PRMT8: variants seen among roughly 807,000 people sequenced by gnomAD.
PRMT8 encodes the protein protein arginine N-methyltransferase 8.
Under a neutral mutation model 47.1 loss-of-function variants are expected in PRMT8, and 7 were observed. The observed-to-expected ratio is 0.15, with a 90% CI of 0.08 to 0.28. The LOEUF is 0.28. Among genes scored for constraint, PRMT8 ranks in the 10% least tolerant of loss-of-function variants. The probability of loss-of-function intolerance (pLI) is 1.00; values close to 1 mark genes in which losing one functional copy is unlikely to be tolerated. For synonymous variants in PRMT8, 188 were observed against 186.5 expected, an observed-to-expected ratio of 1.01 and a Z score of -0.07; for missense variants, 237 against 505.4, an observed-to-expected ratio of 0.47 and a Z score of 5.09.
rs938291074 is a variant in PRMT8, at chr12:3,576,654, G to A, written c.713-217G>A. On this transcript the variant is annotated intron_variant, in intron 6 of 9. Transcript: ENST00000382622. This position sits in a 1 kb window ranked among gnomAD's most constrained non-coding sequence, Gnocchi z 4.0. ...GAGCTCTAGTTTACCTAACAACAAA[G>A]TGGGACTTACCTTTTCCCGAGGTAG... 1.3e-5 allele frequency among the ~76,000 whole-genome samples: 2 copies of A among 152,166 alleles called. No homozygotes were observed. The highest frequency in any genetic ancestry group is 2.4e-5 in the African/African-American group (1 of 41,440).
chr12:3,579,655 C>T (rs1363716069), intron 7 of PRMT8, among the ~76,000 whole-genome samples: 1 of 152,198 alleles, frequency 6.6e-6, no homozygotes, highest in African/African-American at 2.4e-5. Context: ...TGCTGATGTG[C>T]TAGGCAACAT....
intron 1 of PRMT8, among the ~76,000 whole-genome samples, chr12:3,525,221 CAA>C (rs907362731): frequency 6.7e-6 from 1 of 149,466 alleles, no homozygotes; most frequent in African/African-American, 2.5e-5. Context: ...GACTCTGTCT[CAA>C]AAAAAAAGAG....
At chr12:3,418,474 G>T (rs370226870) in intron 1 of PRMT8, among the ~76,000 whole-genome samples, 1 of 152,206 alleles carries the variant, frequency 6.6e-6, no homozygotes, top group African/African-American at 2.4e-5. Context: ...GACAGGATGG[G>T]CTGGTCCTAT....
At chr12:3,427,463 A>G (rs1864617586) in intron 1 of PRMT8, among the ~76,000 whole-genome samples, 1 of 152,184 alleles carries the variant, frequency 6.6e-6, no homozygotes, top group Non-Finnish European at 1.5e-5. Flanking sequence ...TTAACGTTTT[A>G]AAACTTGCTT....
chr12:3,464,981 G>A (rs71458060), intron 1 of PRMT8, among the ~76,000 whole-genome samples: 13,166 of 151,310 alleles, frequency 0.087, 723 homozygotes, highest in Non-Finnish European at 0.11. Flanking sequence ...AAAATTAGCC[G>A]GGCGTGGTGG....
intron 1 of PRMT8, among the ~76,000 whole-genome samples, chr12:3,397,962 T>C (rs1157569489): frequency 1.3e-5 from 2 of 151,990 alleles, no homozygotes; most frequent in Admixed American, 1.3e-4. Context: ...CGGGTGGGAG[T>C]GGCCTGATTT....
chr12:3,420,032 A>G lies in PRMT8; in HGVS notation c.48+38590A>G, dbSNP rs985535181. Among the ~76,000 whole-genome samples, 8 of 20,594 alleles carry G rather than the reference A, an allele frequency of 3.9e-4. No homozygotes were observed. The South Asian group carries it at 7.4e-3, about 19-fold the overall frequency. The allele number at this position is 20,594 out of a possible 152,430, so 13.5% of individuals were successfully genotyped here. ...AGAGGGGAAAGAGAGAGAGAGAGAC[A>G]GACAGAGAGAGAGAGAGAGAGAGAG... On this transcript the variant is annotated intron_variant, in intron 1 of 9. Transcript: ENST00000452611.
At chr12:3,473,855 G>A (rs1865183462) in intron 1 of PRMT8, among the ~76,000 whole-genome samples, 1 of 152,172 alleles carries the variant, frequency 6.6e-6, no homozygotes, top group Admixed American at 6.5e-5. Context: ...ATCCTGGGCA[G>A]TTCCTTCTCC....
At chr12:3,544,860 A>G (rs568647519) in intron 2 of PRMT8, among the ~76,000 whole-genome samples, 1 of 152,326 alleles carries the variant, frequency 6.6e-6, no homozygotes, top group East Asian at 1.9e-4. Context: ...AGGTCTGCAC[A>G]ATAGCTGGGA....
chr12:3,526,632 T>G (rs1402510450), intron 1 of PRMT8, among the ~76,000 whole-genome samples: 1 of 152,208 alleles, frequency 6.6e-6, no homozygotes, highest in African/African-American at 2.4e-5. Flanking sequence ...CTATCAGTTT[T>G]TGTTTCATAT....
upstream of PRMT8, chr12:3,491,100 G>A (rs1865387021): frequency 3.2e-6 from 3 of 935,158 alleles, no homozygotes; most frequent in Non-Finnish European, 3.8e-6. Context: ...GGGGCGCTGG[G>A]GGCCCTCGGT....
Position 3,407,622 on chromosome 12 carries a change from GGGCCCTTTGA to G in PRMT8, c.48+26182_48+26191del, listed in dbSNP as rs1487475052. ...ACCTCTTTGGGTTGAATCTGTCAGG[GGGCCCTTTGA>G]GCTTAATGGATCTGGATGTCTATGT... On this transcript the variant is annotated intron_variant, in intron 1 of 9. Transcript: ENST00000452611. 3.9e-5 allele frequency among the ~76,000 whole-genome samples: 6 copies of G among 152,042 alleles called. No individual in the cohort carries two copies. The East Asian group carries it at 1.2e-3, about 29-fold the overall frequency.
At chr12:3,448,143 T>C (rs1402752238) in intron 1 of PRMT8, among the ~76,000 whole-genome samples, 2 of 152,342 alleles carry the variant, frequency 1.3e-5, no homozygotes, top group East Asian at 3.9e-4. Flanking sequence ...ACTACAGGCA[T>C]GTGGCACTAT....
intron 1 of PRMT8, among the ~76,000 whole-genome samples, 170 bp from the exon 2 acceptor site, chr12:3,540,436 T>G (rs1460495559): frequency 6.6e-6 from 1 of 152,158 alleles, no homozygotes; most frequent in Non-Finnish European, 1.5e-5. Flanking sequence ...ATCACAGCCA[T>G]GAGCCCAACT....
At chr12:3,474,010 C>G (rs1448576376) in intron 1 of PRMT8, among the ~76,000 whole-genome samples, 1 of 152,222 alleles carries the variant, frequency 6.6e-6, no homozygotes, top group African/African-American at 2.4e-5. Context: ...AATGGCCACT[C>G]AACTCTTCCT....
At chr12:3,397,184 T>G (rs1864258875) in intron 1 of PRMT8, among the ~76,000 whole-genome samples, 1 of 151,904 alleles carries the variant, frequency 6.6e-6, no homozygotes, top group African/African-American at 2.4e-5. Flanking sequence ...TGGAGTAATT[T>G]GATCGTCTGA....
rs1404425738 is a variant in PRMT8 at position 3,570,691 on chromosome 12, ATG to A, written c.712+1133_712+1134del. On this transcript the variant is annotated intron_variant, in intron 6 of 9. Coordinates refer to ENST00000382622, the MANE Select transcript of PRMT8 (RefSeq NM_019854.5). The surrounding 1 kb of genome is among the most constrained non-coding windows in gnomAD (Gnocchi z 5.5). ...AAAACTCGGCTGGACTCTGCTATGGATGTGTGTATTTGTGTGGGTTCATGCCT... is the reference window on the plus strand; with the variant it reads ...AAAACTCGGCTGGACTCTGCTATGGATGTGTATTTGTGTGGGTTCATGCCT... Among the ~76,000 whole-genome samples the A allele has an allele frequency of 2.0e-5, 3 of 152,126 alleles. No individual in the cohort carries two copies. Among genetic ancestry groups the A allele is most frequent in the Admixed American group, 2.0e-4 (3 of 15,266 alleles).
intron 1 of PRMT8, among the ~76,000 whole-genome samples, chr12:3,533,912 A>T (rs1487023773): frequency 6.6e-6 from 1 of 152,222 alleles, no homozygotes; most frequent in Non-Finnish European, 1.5e-5. Context: ...GGAAGAGCTA[A>T]CCCTTTGTGT....
chr12:3,582,231 A>G (rs1867080748), intron 7 of PRMT8, among the ~76,000 whole-genome samples: 1 of 152,254 alleles, frequency 6.6e-6, no homozygotes, highest in Non-Finnish European at 1.5e-5. Context: ...AGAAAAGAAC[A>G]GCACAGTGCA....
Sources: gnomAD v4.1 joint callset for allele counts (sites outside exome capture counted in the v4.1 genomes callset) on GRCh38, gnomAD v4.1.1 for gene constraint, Gnocchi (gnomAD v3.1) non-coding constraint, MANE v1.5 for transcripts, NCBI Gene and HGNC (gene_info 2026-07-23, HGNC 2026-07-21) for gene names.